TMEFF1: variants seen among roughly 807,000 people sequenced by gnomAD.
TMEFF1 encodes the protein tomoregulin-1.
Under a neutral mutation model 47.5 loss-of-function variants are expected in TMEFF1, and 20 were observed. The ratio of observed to expected loss-of-function variants is 0.42; its 90% confidence interval spans 0.30 to 0.61. The LOEUF is 0.61. TMEFF1 is among the 20% of genes least tolerant of loss of function. The probability of loss-of-function intolerance (pLI) is 0.19; values close to 1 mark genes in which losing one functional copy is unlikely to be tolerated. For synonymous variants in TMEFF1, 162 were observed against 166.3 expected (o/e 0.97, Z 0.20); for missense variants, 411 against 471.1 (o/e 0.87, Z 1.18).
intron 5 of TMEFF1, among the ~76,000 whole-genome samples, chr9:100,538,213 C>T (rs1015725720): frequency 9.9e-5 from 15 of 152,168 alleles, no homozygotes; most frequent in Non-Finnish European, 1.3e-4. Flanking sequence ...CCACCACGCC[C>T]GGCTAATTTT....
chr9:100,510,740 G>C (rs1006753132), intron 3 of TMEFF1, among the ~76,000 whole-genome samples: 1 of 152,102 alleles, frequency 6.6e-6, no homozygotes, highest in Non-Finnish European at 1.5e-5. Flanking sequence ...CTCTCAAAGT[G>C]CTGGGATTAC....
chr9:100,536,268 T>C (rs1425272934), intron 5 of TMEFF1, among the ~76,000 whole-genome samples: 1 of 152,166 alleles, frequency 6.6e-6, no homozygotes, highest in Non-Finnish European at 1.5e-5. Flanking sequence ...TGAAAGCCCA[T>C]TTCTAGGGGT....
rs1025366074 is a variant in TMEFF1 at position 100,478,359 on chromosome 9, C to T, written c.196+4619C>T. Among the ~76,000 whole-genome samples the T allele has an allele frequency of 5.3e-5, 8 of 152,300 alleles. No homozygotes were observed. In the South Asian group the frequency reaches 6.2e-4, roughly 12 times the overall value. ...GTTTGAGACAGGATCTCATTCCTGT[C>T]GCCCAGGCTGGCGTGTAGTGACGCA... On this transcript the variant is annotated intron_variant, in intron 1 of 9. Coordinates refer to ENST00000374879, the MANE Select transcript of TMEFF1 (RefSeq NM_003692.5).
intron 5 of TMEFF1, among the ~76,000 whole-genome samples, chr9:100,529,671 G>T (rs372243303): frequency 0.11 from 16,643 of 152,026 alleles, 1,082 homozygotes; most frequent in Middle Eastern, 0.17. Flanking sequence ...ACTGTCAACA[G>T]TAGACAGATC....
rs1344068030 is a variant in TMEFF1, at chr9:100,572,576, G to A, written c.958G>A (p.Val320Ile). Residue 320 changes from valine to isoleucine, a missense_variant, in exon 9 of 10, where the codon GTA (valine) becomes ATA (isoleucine). Physicochemically the swap from Val to Ile is conservative, Grantham distance 29. Transcript: ENST00000374879. ...AAAGACAGACTTTAGTATTCTCTATGTAGTGCCAAGTAGGCAAAAGCTCAC... is the reference window on the plus strand; with the variant it reads ...AAAGACAGACTTTAGTATTCTCTATATAGTGCCAAGTAGGCAAAAGCTCAC... ...CEKTDFSILYVVPSRQKLTHV... is the reference protein window; with the variant it reads ...CEKTDFSILYIVPSRQKLTHV... 1 of 1,613,492 alleles carries A rather than the reference G, an allele frequency of 6.2e-7. No homozygotes were observed. Among genetic ancestry groups the A allele is most frequent in the African/African-American group, 1.3e-5 (1 of 74,866 alleles).
intron 5 of TMEFF1, among the ~76,000 whole-genome samples, chr9:100,522,417 C>T (rs920707025): frequency 2.0e-5 from 3 of 148,552 alleles, no homozygotes; most frequent in African/African-American, 7.4e-5. Flanking sequence ...GTTCCTTTAT[C>T]CAGAAATATC....
intron 6 of TMEFF1, among the ~76,000 whole-genome samples, chr9:100,549,672 A>G (rs1838797417): frequency 6.6e-6 from 1 of 152,192 alleles, no homozygotes; most frequent in Non-Finnish European, 1.5e-5. Context: ...CATTTTTTAT[A>G]GTAAGTGTTT....
At chr9:100,574,764 G>A (rs1839315526) in intron 9 of TMEFF1, among the ~76,000 whole-genome samples, 1 of 152,176 alleles carries the variant, frequency 6.6e-6, no homozygotes, top group Non-Finnish European at 1.5e-5. Flanking sequence ...GAAGCCCTGA[G>A]ATAAGAAGTA....
At chr9:100,474,187 G>A (rs1036886385) in intron 1 of TMEFF1, among the ~76,000 whole-genome samples, 3 of 150,892 alleles carry the variant, frequency 2.0e-5, no homozygotes, top group African/African-American at 4.9e-5. Context: ...TGGGCGGGGT[G>A]AGGGCAGGGG....
chr9:100,561,615 G>T, intron 8 of TMEFF1, 95 bp downstream of exon 8: 1 of 1,367,588 alleles, frequency 7.3e-7, no homozygotes, highest in East Asian at 2.7e-5. Flanking sequence ...AATATTACCA[G>T]AAAGTAGTGT....
chr9:100,488,815 CATATT>C (rs757064782), intron 1 of TMEFF1, among the ~76,000 whole-genome samples: 20 of 152,186 alleles, frequency 1.3e-4, no homozygotes, highest in Non-Finnish European at 2.2e-4. Context: ...TCTTAAAAAA[CATATT>C]ATAATGCCTG....
At chr9:100,570,798 T>C (rs1839225447) in intron 8 of TMEFF1, among the ~76,000 whole-genome samples, 1 of 152,168 alleles carries the variant, frequency 6.6e-6, no homozygotes, top group Non-Finnish European at 1.5e-5. Flanking sequence ...GTTGTTTTAA[T>C]GTGTGCTTTG....
At chr9:100,557,845 T>A (rs78097824) in intron 7 of TMEFF1, among the ~76,000 whole-genome samples, 114 of 151,738 alleles carry the variant, frequency 7.5e-4, no homozygotes, top group Non-Finnish European at 1.4e-3. Flanking sequence ...TTTTTTTTTT[T>A]AATATCCTCT....
At chr9:100,499,437 ATTCT>A (rs1307815505) in intron 2 of TMEFF1, among the ~76,000 whole-genome samples, 1 of 152,226 alleles carries the variant, frequency 6.6e-6, no homozygotes, top group Non-Finnish European at 1.5e-5. Flanking sequence ...GTTATATTTA[ATTCT>A]TTCTTTTTAT....
intron 5 of TMEFF1, among the ~76,000 whole-genome samples, chr9:100,523,511 G>A (rs1468277775): frequency 6.6e-6 from 1 of 152,184 alleles, no homozygotes; most frequent in East Asian, 1.9e-4. Flanking sequence ...AGTGGCAATC[G>A]ACACTAGGCC....
intron 9 of TMEFF1, among the ~76,000 whole-genome samples, chr9:100,575,463 G>A (rs958245962): frequency 6.6e-6 from 1 of 152,134 alleles, no homozygotes; most frequent in Admixed American, 6.6e-5. Context: ...AGGGTTGCTT[G>A]ATCTGTCAGC....
chr9:100,551,966 G>A (rs1360974107), intron 7 of TMEFF1, among the ~76,000 whole-genome samples: 2 of 152,150 alleles, frequency 1.3e-5, no homozygotes, highest in African/African-American at 2.4e-5. Context: ...AGGACGAACA[G>A]GAGTCAGAAG....
intron 5 of TMEFF1, among the ~76,000 whole-genome samples, chr9:100,520,667 A>AATT (rs1287565421): frequency 6.6e-6 from 1 of 152,268 alleles, no homozygotes; most frequent in African/African-American, 2.4e-5. Flanking sequence ...TTACATATGT[A>AATT]GTATATTACA....
In TMEFF1 at chr9:100,509,775, GA is replaced by G. The variant is rs768756484; in HGVS notation, c.436+657del. 3.8e-3 allele frequency among the ~76,000 whole-genome samples: 383 copies of G among 100,546 alleles called. 1 individual carries two copies. Among genetic ancestry groups the G allele is most frequent in the Middle Eastern group, 0.011 (2 of 174 alleles). The allele number at this position is 100,546 out of a possible 152,430, so 66.0% of individuals were successfully genotyped here. On this transcript the variant is annotated intron_variant, in intron 3 of 9. Coordinates refer to ENST00000374879, the MANE Select transcript of TMEFF1 (RefSeq NM_003692.5). The stretch of plus-strand genomic sequence containing the variant: ...GGCGACAGAGCAAGACTCCATCTCA[GA>G]AAAAAAAAAAAAAAAGGTGAGGAAT...
Sources: allele counts gnomAD v4.1 joint callset (sites outside exome capture counted in the v4.1 genomes callset), GRCh38; gene constraint gnomAD v4.1.1; transcripts MANE v1.5; gene names NCBI Gene and HGNC (gene_info 2026-07-23, HGNC 2026-07-21).